Variants in RASSF4 observed in about 807,000 individuals in gnomAD.
RASSF4 encodes ras association domain-containing protein 4.
RASSF4 carries 38 observed loss-of-function variants against 41.1 expected under a neutral mutation model. That is an observed-to-expected ratio of 0.92 (90% CI 0.71 to 1.21). RASSF4 has a LOEUF of 1.21. Among genes scored for constraint, RASSF4 ranks in the 50% most tolerant of loss-of-function variants. The pLI, the probability that RASSF4 is intolerant of heterozygous loss-of-function variation, is 0.00. For synonymous variants in RASSF4, 179 were observed against 163.4 expected (o/e 1.10, Z -0.73); for missense variants, 414 against 419.4 (o/e 0.99, Z 0.11).
rs770214731 is a variant in RASSF4, at chr10:44,978,069, G to C, written c.139-4452G>C. The C allele has an allele frequency of 4.4e-6, 7 of 1,587,124 alleles. No individual in the cohort carries two copies. The African/African-American group carries it at 8.2e-5, about 19-fold the overall frequency. On this transcript the variant is annotated intron_variant, in intron 3 of 10. Coordinates refer to ENST00000340258, the MANE Select transcript of RASSF4 (RefSeq NM_032023.4). ...GGAGGTGGCAACCTGTTGGGAAACA[G>C]AAGCCTGGTGGTGAGGGCCTGCCAT...
chr10:44,979,820 A>G (rs1841627877), intron 3 of RASSF4, among the ~76,000 whole-genome samples: 1 of 152,044 alleles, frequency 6.6e-6, no homozygotes, highest in African/African-American at 2.4e-5. Context: ...AGGGCACTGC[A>G]GTCTGGCTTC....
At chr10:44,977,857 C>G in intron 3 of RASSF4, 3 of 1,610,350 alleles carry the variant, frequency 1.9e-6, no homozygotes, top group Non-Finnish European at 2.5e-6. Context: ...GGCCCTGGGC[C>G]GTGGCCTTGT....
At chr10:44,962,199 G>A (rs1840734291) in intron 1 of RASSF4, among the ~76,000 whole-genome samples, 1 of 152,224 alleles carries the variant, frequency 6.6e-6, no homozygotes, top group African/African-American at 2.4e-5. Context: ...CCAAGTTAAT[G>A]CCACAGCAAA....
chr10:44,985,830 C>T (rs768207739), intron 6 of RASSF4, among the ~76,000 whole-genome samples: 7 of 152,198 alleles, frequency 4.6e-5, no homozygotes, highest in Non-Finnish European at 7.3e-5. Flanking sequence ...CAGGATCTCC[C>T]TTCCACCCCC....
intron 3 of RASSF4, among the ~76,000 whole-genome samples, chr10:44,975,028 A>C (rs989167473): frequency 6.6e-6 from 1 of 152,288 alleles, no homozygotes; most frequent in Middle Eastern, 3.4e-3. Flanking sequence ...GCTCTGGACA[A>C]GCAAGTGAGC....
At chr10:44,976,367 A>C (rs9386) in intron 3 of RASSF4, 59 of 152,392 alleles carry the variant, frequency 3.9e-4, no homozygotes, top group African/African-American at 1.3e-3. Context: ...AGCAATTAAA[A>C]ATAGCCACAA....
At chr10:44,990,455 AGAG>A (rs139111688) in intron 8 of RASSF4, 4,228 of 156,512 alleles carry the variant, frequency 0.027, 178 homozygotes, top group African/African-American at 0.097. Context: ...GTGACAAGAC[AGAG>A]GAGAAGGGCC....
At chr10:44,984,450 C>T (rs1191146721) in intron 5 of RASSF4, 2 of 491,022 alleles carry the variant, frequency 4.1e-6, no homozygotes, top group Non-Finnish European at 7.3e-6. Context: ...TCGTCCTCAC[C>T]CTCTGTACCT....
intron 1 of RASSF4, among the ~76,000 whole-genome samples, chr10:44,963,670 T>C (rs1304037707): frequency 6.6e-6 from 1 of 152,176 alleles, no homozygotes; most frequent in Non-Finnish European, 1.5e-5. Context: ...TTCTTTTGCT[T>C]CCCAGGTCAC....
intron 6 of RASSF4, among the ~76,000 whole-genome samples, chr10:44,987,376 C>T (rs1430783086): frequency 1.3e-5 from 2 of 152,172 alleles, no homozygotes; most frequent in East Asian, 1.9e-4. Context: ...GGATTACAGG[C>T]GTAAGCCACT....
chr10:44,978,135 C>T, intron 3 of RASSF4: 5 of 1,367,874 alleles, frequency 3.7e-6, no homozygotes, highest in Non-Finnish European at 5.0e-6. Context: ...TCCTCTGGGG[C>T]TGCCTGTAGG....
chr10:44,989,681 C>A lies in RASSF4; in HGVS notation c.645C>A (p.Gly215=). 1 of 1,614,110 alleles carries A rather than the reference C, an allele frequency of 6.2e-7. No individual in the cohort carries two copies. The highest frequency in any genetic ancestry group is 1.1e-5 in the South Asian group (1 of 91,086). ...LLLNKFRVED[G]PSEFALYIVH... ...GACTGCCTGTGCAGGTGGAAGATGG[C>A]CCCAGTGAGTTCGCACTCTACATCG... The change falls in exon 8 of 11, where the codon GGC becomes GGA. Residue 215 remains glycine, a synonymous_variant. Coordinates refer to ENST00000340258, the MANE Select transcript of RASSF4 (RefSeq NM_032023.4).
chr10:44,983,964 G>T lies in RASSF4; in HGVS notation c.282-58G>T, dbSNP rs778291242. The T allele has an allele frequency of 7.1e-6, 11 of 1,552,368 alleles. No homozygotes were observed. The Admixed American group carries it at 2.2e-4, about 30-fold the overall frequency. On this transcript the variant is annotated intron_variant, in intron 4 of 10. Coordinates refer to ENST00000340258, the MANE Select transcript of RASSF4 (RefSeq NM_032023.4). ...AGGGGCTGCTGGTCTCTTCTCCTTG[G>T]CCTGAGCTCCCTTTCTCTGCCGGCA...
chr10:44,973,794 G>C (rs1794731376), intron 3 of RASSF4, among the ~76,000 whole-genome samples: 1 of 152,238 alleles, frequency 6.6e-6, no homozygotes. Context: ...TGTGGTTTGT[G>C]TGTGTTGGTG....
intron 3 of RASSF4, chr10:44,981,657 A>C (rs1014889970): frequency 6.6e-6 from 1 of 152,288 alleles, no homozygotes. Context: ...GTATTCTGGC[A>C]AATGACTCAG....
chr10:44,977,188 C>T (rs771637762), intron 3 of RASSF4: 9 of 588,406 alleles, frequency 1.5e-5, no homozygotes, highest in South Asian at 6.6e-5. Flanking sequence ...TCAGAGCGAA[C>T]GGGATTGGTA....
At chr10:44,965,794 C>T (rs1840880948) in intron 1 of RASSF4, among the ~76,000 whole-genome samples, 1 of 152,340 alleles carries the variant, frequency 6.6e-6, no homozygotes, top group Middle Eastern at 3.4e-3. Flanking sequence ...GCCCTTTATC[C>T]CTTCACTTTG....
intron 10 of RASSF4, 89 bp from the exon 11 acceptor site, chr10:44,993,180 A>C: frequency 9.1e-7 from 1 of 1,094,252 alleles, no homozygotes; most frequent in Non-Finnish European, 1.4e-6. Flanking sequence ...GGATCTCCTG[A>C]GCTGGCCATC....
At chr10:44,974,589 C>T (rs1841318206) in intron 3 of RASSF4, among the ~76,000 whole-genome samples, 1 of 150,576 alleles carries the variant, frequency 6.6e-6, no homozygotes, top group East Asian at 2.0e-4. Flanking sequence ...GGGCTCACCA[C>T]CCGGGGCGCG....
Sources: gnomAD v4.1 joint callset for allele counts (sites outside exome capture counted in the v4.1 genomes callset) on GRCh38, gnomAD v4.1.1 for gene constraint, MANE v1.5 for transcripts, NCBI Gene and HGNC (gene_info 2026-07-23, HGNC 2026-07-21) for gene names.